Variants in PCDH9 observed in about 807,000 individuals in gnomAD.
PCDH9 encodes the protein protocadherin-9.
Under a neutral mutation model 70.6 loss-of-function variants are expected in PCDH9, and 24 were observed. That is an observed-to-expected ratio of 0.34 (90% CI 0.25 to 0.48). The LOEUF (loss-of-function observed/expected upper bound fraction) is 0.48, where lower values mean the gene tolerates loss of function less well. PCDH9 is among the 20% of genes least tolerant of loss of function. PCDH9 has a pLI of 0.99. For synonymous variants in PCDH9, 562 were observed against 558.5 expected, an observed-to-expected ratio of 1.01 and a Z score of -0.09; for missense variants, 1,281 against 1,503.6, an observed-to-expected ratio of 0.85 and a Z score of 2.45.
At chr13:66,889,297 C>CAT (rs1289956829) in intron 3 of PCDH9, among the ~76,000 whole-genome samples, 2 of 152,172 alleles carry the variant, frequency 1.3e-5, no homozygotes, top group African/African-American at 4.8e-5. Context: ...TTAAACTAAA[C>CAT]ATATATCTGG....
chr13:66,984,952 C>A (rs1566341385), intron 2 of PCDH9, among the ~76,000 whole-genome samples: 1 of 152,134 alleles, frequency 6.6e-6, no homozygotes, highest in African/African-American at 2.4e-5. Context: ...TTGGCTGTCT[C>A]CCAGTTCTTC....
chr13:67,029,362 CTCTT>C (rs1231674114), intron 2 of PCDH9, among the ~76,000 whole-genome samples: 2 of 152,166 alleles, frequency 1.3e-5, no homozygotes, highest in African/African-American at 2.4e-5. Flanking sequence ...CAAGTTCTCA[CTCTT>C]TCTAATTTTC....
At chr13:66,362,269 C>A (rs1956483684) in intron 4 of PCDH9, among the ~76,000 whole-genome samples, 1 of 152,120 alleles carries the variant, frequency 6.6e-6, no homozygotes, top group Non-Finnish European at 1.5e-5. Context: ...GCAACTTATT[C>A]TCCAGTGAGA....
intron 2 of PCDH9, among the ~76,000 whole-genome samples, chr13:67,030,666 T>C (rs1415789644): frequency 6.6e-6 from 1 of 152,162 alleles, no homozygotes. Context: ...ACAAATATTA[T>C]ATATTAATAA....
At chr13:66,752,985 T>C (rs1160368886) in intron 3 of PCDH9, among the ~76,000 whole-genome samples, 3 of 152,186 alleles carry the variant, frequency 2.0e-5, no homozygotes, top group Non-Finnish European at 4.4e-5. Context: ...AAGTAGGCAA[T>C]TGGAGCCAGA....
chr13:66,714,768 A>G (rs2078847983), intron 3 of PCDH9, among the ~76,000 whole-genome samples: 1 of 152,204 alleles, frequency 6.6e-6, no homozygotes, highest in Admixed American at 6.5e-5. Context: ...ATCACATAAA[A>G]GATTACTACT....
At chr13:67,041,087 C>G (rs969955952) in intron 2 of PCDH9, among the ~76,000 whole-genome samples, 3 of 152,000 alleles carry the variant, frequency 2.0e-5, no homozygotes, top group African/African-American at 7.3e-5. Context: ...TAGATATACC[C>G]TTTTTACTAG....
At position 67,227,137 on chromosome 13, in the gene PCDH9, A is replaced by G; in HGVS notation, c.1304T>C (p.Phe435Ser). The G allele has an allele frequency of 1.9e-6, 3 of 1,613,956 alleles. No homozygotes were observed. Among genetic ancestry groups the G allele is most frequent in the Non-Finnish European group, 2.5e-6 (3 of 1,179,830 alleles). ...SLLDYEGTKE[F>S]SFKIVASDSG... ...ATCAGAGGCAACAATTTTAAAGCTG[A>G]ATTCTTTGGTGCCCTCATAGTCCAA... The change falls in exon 2 of 5, where the codon TTC becomes TCC. Residue 435 changes from phenylalanine (F) to serine (S), a missense_variant. Physicochemically the swap from Phe to Ser is radical, Grantham distance 155. Around this residue, in one of 4 missense-constraint regions of PCDH9, gnomAD observed 798 missense variants for 1,003.1 expected, o/e 0.80. Transcript: ENST00000377865. The surrounding 1 kb of genome is among the most constrained non-coding windows in gnomAD (Gnocchi z 4.6).
At chr13:66,334,677 A>T (rs1956005116) in intron 4 of PCDH9, among the ~76,000 whole-genome samples, 1 of 152,044 alleles carries the variant, frequency 6.6e-6, no homozygotes, top group Admixed American at 6.6e-5. Context: ...CTAAAAAAAA[A>T]GTTTTCTTGT....
intron 2 of PCDH9, chr13:67,219,636 C>A (rs944114292): frequency 6.6e-6 from 1 of 151,912 alleles, no homozygotes; most frequent in African/African-American, 2.4e-5. Context: ...TTCACTAATA[C>A]CTGGCCTGTG....
At chr13:66,507,698 TTTTGTTTGTTTGTTTGTTTG>T (rs143044642) in intron 4 of PCDH9, among the ~76,000 whole-genome samples, 7 of 149,454 alleles carry the variant, frequency 4.7e-5, no homozygotes, top group Non-Finnish European at 7.4e-5. Context: ...TTCCTTTCTT[TTTTGTTTGTTTGTTTGTTTG>T]TTTGTTTGTT....
At chr13:67,131,641 A>G (rs1035877619) in intron 2 of PCDH9, among the ~76,000 whole-genome samples, 1 of 151,970 alleles carries the variant, frequency 6.6e-6, no homozygotes, top group Non-Finnish European at 1.5e-5. Context: ...GGAGTGTAGC[A>G]AAAAAAAGAA....
intron 4 of PCDH9, among the ~76,000 whole-genome samples, chr13:66,417,690 G>T (rs1957484875): frequency 6.6e-6 from 1 of 152,126 alleles, no homozygotes. Context: ...ACTTTTTAAT[G>T]ATTGCCATCT....
chr13:67,061,491 A>G (rs1334479450), intron 2 of PCDH9, among the ~76,000 whole-genome samples: 1 of 152,096 alleles, frequency 6.6e-6, no homozygotes, highest in African/African-American at 2.4e-5. Context: ...ATGGTTTGAA[A>G]ACTGGCAAGA....
Position 66,789,511 on chromosome 13 carries a change from TA to T in PCDH9, c.3138+113992del, listed in dbSNP as rs200141921. Among the ~76,000 whole-genome samples, 8 of 151,758 alleles carry T rather than the reference TA, an allele frequency of 5.3e-5. No individual in the cohort carries two copies. The East Asian group carries it at 7.8e-4, about 15-fold the overall frequency. On this transcript the variant is annotated intron_variant, in intron 3 of 4. Coordinates refer to ENST00000377865, the MANE Select transcript of PCDH9 (RefSeq NM_203487.3). ...TATCCACAGTGGGTTTATTTTTTTT[TA>T]TTTTTTTTCCAGCTAGGAACATTTT...
chr13:66,500,734 C>A (rs1189296627), intron 4 of PCDH9, among the ~76,000 whole-genome samples: 1 of 151,972 alleles, frequency 6.6e-6, no homozygotes, highest in African/African-American at 2.4e-5. Context: ...TTCTTGCTGT[C>A]TTGCTTTTCC....
intron 3 of PCDH9, among the ~76,000 whole-genome samples, chr13:66,657,469 T>C (rs1364805758): frequency 1.3e-5 from 2 of 152,144 alleles, no homozygotes; most frequent in Admixed American, 6.6e-5. Context: ...GGCAAAGAGC[T>C]CCTGGTTGCC....
At chr13:66,515,410 T>C (rs1427426259) in intron 4 of PCDH9, among the ~76,000 whole-genome samples, 1 of 151,960 alleles carries the variant, frequency 6.6e-6, no homozygotes, top group Non-Finnish European at 1.5e-5. Flanking sequence ...ATTCTTAAGA[T>C]AGATAATCTG....
chr13:66,560,537 G>A (rs1961964041), intron 4 of PCDH9, among the ~76,000 whole-genome samples: 1 of 152,152 alleles, frequency 6.6e-6, no homozygotes, highest in African/African-American at 2.4e-5. Context: ...TCTCTTCCCT[G>A]GAAGGCACTT....
Sources: allele counts gnomAD v4.1 joint callset (sites outside exome capture counted in the v4.1 genomes callset), GRCh38; gene constraint gnomAD v4.1.1; regional missense constraint gnomAD v4.1.1; non-coding constraint Gnocchi (gnomAD v3.1); transcripts MANE v1.5; gene names NCBI Gene and HGNC (gene_info 2026-07-23, HGNC 2026-07-21).